The following ZNF362 variants were observed in gnomAD, a reference collection of about 807,000 sequenced individuals.
ZNF362 encodes the protein zinc finger protein 362.
A neutral mutation model predicts 42.9 loss-of-function variants in ZNF362; 11 were observed. The observed-to-expected ratio is 0.26, with a 90% confidence interval of 0.16 to 0.42. ZNF362 has a LOEUF of 0.42. Among genes scored for constraint, ZNF362 ranks in the 20% least tolerant of loss-of-function variants. The pLI is 1.00. For missense variants in ZNF362, 362 were observed against 576.2 expected (o/e 0.63, Z 3.81); for synonymous variants, 255 against 257.3 (o/e 0.99, Z 0.09).
chr1:33,158,094 T>G, the ZNF362 span, among the ~76,000 whole-genome samples: 329 of 152,302 alleles, frequency 2.2e-3, 3 homozygotes, highest in African/African-American at 7.6e-3. Flanking sequence ...AGCTGAGTGA[T>G]TGTGCAGGTG....
chr1:33,298,294 G>C (rs986763350), intron 8 of ZNF362, among the ~76,000 whole-genome samples: 1 of 152,178 alleles, frequency 6.6e-6, no homozygotes, highest in Admixed American at 6.5e-5. Flanking sequence ...AGGCTGTGGT[G>C]AGCTGTGATT....
the ZNF362 span, among the ~76,000 whole-genome samples, chr1:33,189,720 C>T: frequency 0.097 from 7,935 of 81,936 alleles, 891 homozygotes; most frequent in Middle Eastern, 0.12. Flanking sequence ...TATATATATA[C>T]ATACACACAT....
chr1:33,144,336 C>CTA, the ZNF362 span, among the ~76,000 whole-genome samples: 1 of 152,168 alleles, frequency 6.6e-6, no homozygotes, highest in Non-Finnish European at 1.5e-5. Context: ...CGGGGTTTCT[C>CTA]CACGTTGGTC....
chr1:33,193,210 C>T, the ZNF362 span, among the ~76,000 whole-genome samples: 12 of 152,256 alleles, frequency 7.9e-5, no homozygotes, highest in South Asian at 6.2e-4. Flanking sequence ...AGGAAAGAGT[C>T]ACCTGGAAGC....
At chr1:33,290,309 C>T (rs1400810463) in intron 6 of ZNF362, among the ~76,000 whole-genome samples, 5 of 151,750 alleles carry the variant, frequency 3.3e-5, no homozygotes, top group African/African-American at 7.3e-5. Flanking sequence ...TGAGAACATG[C>T]GGCGTTTGGT....
At chr1:33,228,468 A>G in the ZNF362 span, among the ~76,000 whole-genome samples, 3 of 152,110 alleles carry the variant, frequency 2.0e-5, no homozygotes, top group Non-Finnish European at 4.4e-5. Context: ...AAGGTATCTC[A>G]AACTCAACAT....
the ZNF362 span, among the ~76,000 whole-genome samples, chr1:33,214,230 G>A: frequency 6.6e-6 from 1 of 152,160 alleles, no homozygotes; most frequent in African/African-American, 2.4e-5. Flanking sequence ...AAGGTGCTAA[G>A]AACATTCACT....
chr1:33,176,410 G>A, the ZNF362 span: 16 of 696,854 alleles, frequency 2.3e-5, no homozygotes, highest in East Asian at 4.3e-4. Context: ...CTGCCTACCA[G>A]GGCTTGCGTC....
chr1:33,290,763 G>T (rs1418551651), intron 6 of ZNF362, among the ~76,000 whole-genome samples: 10 of 152,154 alleles, frequency 6.6e-5, no homozygotes, highest in Non-Finnish European at 1.2e-4. Flanking sequence ...ATTCTAACTG[G>T]TGTGAGATGG....
chr1:33,183,395 C>T, the ZNF362 span, among the ~76,000 whole-genome samples: 3 of 152,176 alleles, frequency 2.0e-5, no homozygotes, highest in Non-Finnish European at 2.9e-5. Flanking sequence ...TCCATCATTG[C>T]GAGAAAAATA....
chr1:33,298,310 A>G (rs1481829812), intron 8 of ZNF362, among the ~76,000 whole-genome samples: 1 of 152,184 alleles, frequency 6.6e-6, no homozygotes, highest in African/African-American at 2.4e-5. Flanking sequence ...TGATTGTGCC[A>G]CAGCATTCCA....
At chr1:33,200,560 C>T in the ZNF362 span, among the ~76,000 whole-genome samples, 2 of 152,054 alleles carry the variant, frequency 1.3e-5, no homozygotes, top group African/African-American at 2.4e-5. Flanking sequence ...ATAAGACATC[C>T]ACTTTAAATA....
upstream of ZNF362, among the ~76,000 whole-genome samples, chr1:33,255,889 G>C (rs1045129270): frequency 6.6e-6 from 1 of 152,010 alleles, no homozygotes; most frequent in African/African-American, 2.4e-5. Flanking sequence ...GCCTGGCACC[G>C]CGCGGGCTCG....
At chr1:33,210,719 T>G in the ZNF362 span, among the ~76,000 whole-genome samples, 1 of 152,146 alleles carries the variant, frequency 6.6e-6, no homozygotes, top group Non-Finnish European at 1.5e-5. Context: ...TGGTTTAAAG[T>G]CTGTTTTATC....
chr1:33,181,067 C>T, the ZNF362 span: 38 of 1,598,598 alleles, frequency 2.4e-5, no homozygotes, highest in Admixed American at 8.4e-5. The surrounding 1 kb of genome is among the most constrained non-coding windows in gnomAD (Gnocchi z 6.5). Flanking sequence ...TGACCTGATG[C>T]TGCTCGTGCA....
chr1:33,292,274 A>G (rs1646084065), intron 6 of ZNF362, among the ~76,000 whole-genome samples: 1 of 152,210 alleles, frequency 6.6e-6, no homozygotes, highest in Admixed American at 6.5e-5. Flanking sequence ...GATTTTAGCA[A>G]CAAGGGCTGT....
At chr1:33,236,550 A>AAAAAAAAATATATATATATATAT in the ZNF362 span, among the ~76,000 whole-genome samples, 37 of 5,970 alleles carry the variant, frequency 6.2e-3, 1 homozygote, top group East Asian at 0.017. Context: ...AAAAAAAAAA[A>AAAAAAAAATATATATATATATAT]ATATATATAT....
chr1:33,292,789 C>T (rs2148134189), intron 6 of ZNF362, among the ~76,000 whole-genome samples: 1 of 152,216 alleles, frequency 6.6e-6, no homozygotes, highest in East Asian at 1.9e-4. Flanking sequence ...AAACGAATTC[C>T]CCAGCCCTAG....
the ZNF362 span, among the ~76,000 whole-genome samples, chr1:33,207,636 C>T: frequency 6.6e-6 from 1 of 152,106 alleles, no homozygotes; most frequent in Non-Finnish European, 1.5e-5. Flanking sequence ...TTTTAATGAT[C>T]GCCATTCTAA....
Sources: allele counts gnomAD v4.1 joint callset (sites outside exome capture counted in the v4.1 genomes callset), GRCh38; gene constraint gnomAD v4.1.1; non-coding constraint Gnocchi (gnomAD v3.1); transcripts MANE v1.5; gene names NCBI Gene and HGNC (gene_info 2026-07-23, HGNC 2026-07-21).